The following ZNF493 variants were observed in gnomAD, a reference collection of about 807,000 sequenced individuals.
ZNF493 encodes zinc finger protein 493.
Under a neutral mutation model 12.2 loss-of-function variants are expected in ZNF493, and 11 were observed. That is an observed-to-expected ratio of 0.90 (90% CI 0.57 to 1.50). ZNF493 has a LOEUF of 1.50. ZNF493 is among the 40% of genes most tolerant of loss of function. ZNF493 has a pLI of 0.00. For synonymous variants in ZNF493, 286 were observed against 302.6 expected, an observed-to-expected ratio of 0.95 and a Z score of 0.57; for missense variants, 950 against 906.6, an observed-to-expected ratio of 1.05 and a Z score of -0.61.
At chr19:21,397,340 G>A in intron 1 of ZNF493, 73 bp downstream of exon 1, 2 of 1,570,884 alleles carry the variant, frequency 1.3e-6, no homozygotes, top group Non-Finnish European at 1.8e-6. Flanking sequence ...TGGCTGTGGC[G>A]GGACTCAGGC....
chr19:21,423,500 A>T lies in ZNF493; in HGVS notation c.841A>T (p.Thr281Ser). 6.2e-7 allele frequency: 1 copy of T among 1,613,788 alleles called. No individual in the cohort carries two copies. Among genetic ancestry groups the T allele is most frequent in the Non-Finnish European group, 8.5e-7 (1 of 1,179,842 alleles). The change falls in exon 4 of 4, where the codon ACT (threonine) becomes TCT (serine). Residue 281 changes from threonine (T) to serine (S), a missense_variant. Thr to Ser is a moderately conservative substitution (Grantham distance 58). Transcript: ENST00000392288. The stretch of plus-strand genomic sequence containing the variant: ...ATCTTTCTACCAATTCTCATACCTT[A>T]CTAGGCATAAGCTAATTCATACTAG... Reference protein sequence around the residue: ...GTSFYQFSYLTRHKLIHTREK... With the variant: ...GTSFYQFSYLSRHKLIHTREK...
intron 1 of ZNF493, chr19:21,398,098 CAG>C (rs1164392597): frequency 2.0e-5 from 3 of 152,506 alleles, no homozygotes; most frequent in African/African-American, 4.8e-5. Context: ...GTGTCCCAAG[CAG>C]AGTCTTGGAA....
intron 3 of ZNF493, among the ~76,000 whole-genome samples, chr19:21,417,733 T>C (rs1015275060): frequency 6.6e-6 from 1 of 152,106 alleles, no homozygotes; most frequent in African/African-American, 2.4e-5. Context: ...GTTATATTAA[T>C]TTGAGGATGG....
At chr19:21,412,660 A>C (rs1181624504) in intron 3 of ZNF493, 1 of 189,880 alleles carries the variant, frequency 5.3e-6, no homozygotes, top group Non-Finnish European at 1.1e-5. Flanking sequence ...TTGAAATCAC[A>C]GAACTTCCAA....
chr19:21,411,564 C>G (rs1418050677), intron 3 of ZNF493, among the ~76,000 whole-genome samples: 1 of 151,734 alleles, frequency 6.6e-6, no homozygotes, highest in Non-Finnish European at 1.5e-5. Flanking sequence ...TACTAAAATA[C>G]AAAAAATTAG....
At chr19:21,408,422 C>T in intron 3 of ZNF493, 1 of 984,610 alleles carries the variant, frequency 1.0e-6, no homozygotes, top group Non-Finnish European at 1.2e-6. Flanking sequence ...AGCCACCACC[C>T]CCGGCCACTT....
chr19:21,422,408 G>A (rs1032037016), intron 3 of ZNF493, among the ~76,000 whole-genome samples: 4 of 147,822 alleles, frequency 2.7e-5, no homozygotes, highest in African/African-American at 9.9e-5. Flanking sequence ...AAAATCAAAA[G>A]TTGGCAAGTT....
At chr19:21,420,959 G>A (rs996282445) in intron 3 of ZNF493, among the ~76,000 whole-genome samples, 3 of 151,716 alleles carry the variant, frequency 2.0e-5, no homozygotes, top group African/African-American at 7.3e-5. Context: ...TGTTGGTCAG[G>A]CTGGTCTTGA....
intron 3 of ZNF493, chr19:21,412,559 C>A: frequency 6.3e-6 from 1 of 158,174 alleles, no homozygotes; most frequent in South Asian, 1.7e-4. Context: ...TCAATAAAGG[C>A]AAAGGCAGCT....
rs376449328 is a variant in ZNF493 at position 21,397,285 on chromosome 19, G to A, written c.30+18G>A. ...TAGACATGGTGAGAGTGCTGGGTCC[G>A]ACATCACGAGAGAGGGGAAGGAGTT... On this transcript the variant is annotated intron_variant, in intron 1 of 3. Coordinates refer to ENST00000392288, the MANE Select transcript of ZNF493 (RefSeq NM_001076678.3). The A allele has an allele frequency of 5.6e-6, 9 of 1,614,136 alleles. No homozygotes were observed. In the Admixed American group the frequency reaches 1.2e-4, roughly 21 times the overall value.
At chr19:21,414,512 C>G (rs1049088263) in intron 3 of ZNF493, 2 of 152,164 alleles carry the variant, frequency 1.3e-5, no homozygotes, top group African/African-American at 4.8e-5. Flanking sequence ...TATGAGCGAG[C>G]CCTAATGTGA....
chr19:21,427,205 T>C lies in ZNF493; in HGVS notation c.*2221T>C, dbSNP rs1204780222. ...GGTTCTTTGTGGTTAACTTATACTA[T>C]TGAGTGATGCACAAGGTAGGTGTTA... On this transcript the variant is annotated 3_prime_UTR_variant, in exon 4 of 4. Transcript: ENST00000392288. The C allele has an allele frequency of 6.0e-6, 1 of 167,096 alleles. No individual in the cohort carries two copies. Among genetic ancestry groups the C allele is most frequent in the Non-Finnish European group, 1.5e-5 (1 of 68,118 alleles). The allele number at this position is 167,096 out of a possible 1,614,324, so 10.4% of individuals were successfully genotyped here. A position where few individuals can be genotyped will look rare whatever the true frequency, so the allele number is the denominator to read the frequency against.
chr19:21,410,896 A>G (rs1291295933), intron 3 of ZNF493, among the ~76,000 whole-genome samples: 1 of 152,046 alleles, frequency 6.6e-6, no homozygotes, highest in Non-Finnish European at 1.5e-5. Context: ...AAGTTCAAGC[A>G]GTTCTCCTCC....
chr19:21,410,264 C>G (rs919083921), intron 3 of ZNF493, among the ~76,000 whole-genome samples: 1 of 151,762 alleles, frequency 6.6e-6, no homozygotes, highest in African/African-American at 2.4e-5. Context: ...ATGATAATTC[C>G]ATTTTTAATT....
intron 3 of ZNF493, among the ~76,000 whole-genome samples, chr19:21,417,588 G>T (rs943983850): frequency 1.3e-5 from 2 of 152,102 alleles, no homozygotes; most frequent in Non-Finnish European, 2.9e-5. Context: ...TAAAGGAAGG[G>T]TATTATTCTC....
At chr19:21,422,381 C>CTT (rs36187718) in intron 3 of ZNF493, among the ~76,000 whole-genome samples, 3 of 135,256 alleles carry the variant, frequency 2.2e-5, no homozygotes, top group Non-Finnish European at 3.2e-5. Context: ...TTTTACTAGT[C>CTT]TTTTTTTTTT....
intron 3 of ZNF493, among the ~76,000 whole-genome samples, chr19:21,410,700 TATC>T (rs1486920027): frequency 6.6e-6 from 1 of 152,326 alleles, no homozygotes; most frequent in African/African-American, 2.4e-5. Context: ...ATGCATTTAA[TATC>T]ATATCTAAGA....
At position 21,423,617 on chromosome 19, in the gene ZNF493, C is replaced by T. The variant is rs557932954; in HGVS notation, c.958C>T (p.Pro320Ser). Residue 320 changes from proline to serine, a missense_variant, in exon 4 of 4, where the codon CCC becomes TCC. Pro to Ser is a moderately conservative substitution (Grantham distance 74, BLOSUM62 -1). Coordinates refer to ENST00000392288, the MANE Select transcript of ZNF493 (RefSeq NM_001076678.3). ...TAAGATAATTCATAATGGAGAAAAA[C>T]CCTATAAATGTGAAGAATGTGGCAA... ...GHKIIHNGEK[P>S]YKCEECGKAF... 3.7e-6 allele frequency: 6 copies of T among 1,609,412 alleles called. No individual in the cohort carries two copies. The highest frequency in any genetic ancestry group is 5.1e-6 in the Non-Finnish European group (6 of 1,179,500).
Position 21,423,464 on chromosome 19 carries a change from G to A in ZNF493, c.805G>A (p.Glu269Lys), listed in dbSNP as rs781283070. 9 of 1,613,592 alleles carry A rather than the reference G, an allele frequency of 5.6e-6. No individual in the cohort carries two copies. Among genetic ancestry groups the A allele is most frequent in the Middle Eastern group, 3.3e-4 (2 of 6,078 alleles). ...HTGQKPYKCE[E>K]CGTSFYQFSY... ...TGGACAGAAACCCTACAAATGTGAA[G>A]AATGTGGCACATCTTTCTACCAATT... is the stretch of plus-strand genomic sequence containing the variant. Residue 269 changes from glutamate to lysine, a missense_variant, in exon 4 of 4, where the codon GAA becomes AAA. Glu to Lys is a moderately conservative substitution (Grantham distance 56). Transcript: ENST00000392288.
Sources: gnomAD v4.1 joint callset for allele counts (sites outside exome capture counted in the v4.1 genomes callset) on GRCh38, gnomAD v4.1.1 for gene constraint, MANE v1.5 for transcripts, NCBI Gene and HGNC (gene_info 2026-07-23, HGNC 2026-07-21) for gene names.